DMD: variants seen among roughly 807,000 people sequenced by gnomAD.
The protein encoded by DMD is mutant dystrophin.
A neutral mutation model predicts 330.1 loss-of-function variants in DMD; 63 were observed. The ratio of observed to expected loss-of-function variants is 0.19; its 90% CI spans 0.16 to 0.24. DMD has a LOEUF of 0.24. Among genes scored for constraint, DMD ranks in the 10% least tolerant of loss-of-function variants. DMD has a pLI of 1.00. For synonymous variants in DMD, 1,223 were observed against 959.8 expected, an observed-to-expected ratio of 1.27 and a Z score of -5.07; for missense variants, 3,344 against 2,684.1, an observed-to-expected ratio of 1.25 and a Z score of -5.43.
intron 18 of DMD, among the ~76,000 whole-genome samples, chrX:32,509,112 G>A (rs1051805821): frequency 9.3e-6 from 1 of 107,614 alleles, no homozygotes; most frequent in Admixed American, 1.0e-4. Flanking sequence ...GCCTGGCCAC[G>A]GAAACATTTT....
Position 32,231,201 on chromosome X carries a change from A to C in DMD, c.6291-14138T>G, listed in dbSNP as rs1603628766. On this transcript the variant is annotated intron_variant, in intron 43 of 78. Transcript: ENST00000357033. ...GTACACTTAACACAGCTACAAAAAAATTTAACTTACTTTTTTCTGCTAAAG... is the reference window on the plus strand; with the variant it reads ...GTACACTTAACACAGCTACAAAAAACTTTAACTTACTTTTTTCTGCTAAAG... Among the ~76,000 whole-genome samples the C allele has an allele frequency of 3.6e-5, 4 of 112,608 alleles. No individual in the cohort carries two copies. The South Asian group carries it at 1.4e-3, about 41-fold the overall frequency.
At chrX:32,833,037 A>G (rs1384568779) in intron 4 of DMD, among the ~76,000 whole-genome samples, 1 of 111,919 alleles carries the variant, frequency 8.9e-6, no homozygotes, top group African/African-American at 3.2e-5. Context: ...ACCTTCAATG[A>G]TTAAGTTTTA....
chrX:32,660,275 G>A (rs750371020), intron 9 of DMD, among the ~76,000 whole-genome samples: 11 of 110,826 alleles, frequency 9.9e-5, no homozygotes, highest in Non-Finnish European at 1.9e-4. Context: ...TGGGCTAAGT[G>A]ATAAGAGCAA....
chrX:32,560,603 C>A lies in DMD; in HGVS notation c.1992+5099G>T, dbSNP rs1471450016. Among the ~76,000 whole-genome samples the A allele has an allele frequency of 4.5e-5, 5 of 110,854 alleles. No homozygotes were observed. The East Asian group carries it at 1.4e-3, about 31-fold the overall frequency. ...TCCTGATGCTCTCCTCCTCTCCCAG[C>A]AACAGGCCCCAGTGTGTGTTGTTCT... is the stretch of plus-strand genomic sequence containing the variant. On this transcript the variant is annotated intron_variant, in intron 16 of 78. Transcript: ENST00000357033.
intron 17 of DMD, among the ~76,000 whole-genome samples, chrX:32,543,367 AG>A (rs1224089695): frequency 1.8e-5 from 2 of 110,588 alleles, no homozygotes; most frequent in Non-Finnish European, 3.8e-5. Flanking sequence ...TTCTCCAAAC[AG>A]GAGCCAATAA....
chrX:32,215,354 T>G (rs1344147828), intron 44 of DMD, among the ~76,000 whole-genome samples: 1 of 111,102 alleles, frequency 9.0e-6, no homozygotes, highest in Non-Finnish European at 1.9e-5. Context: ...CTTAACTGAC[T>G]TCAAGAACAA....
chrX:31,195,153 C>A (rs1054394499), intron 67 of DMD, among the ~76,000 whole-genome samples: 1 of 111,652 alleles, frequency 9.0e-6, no homozygotes. Context: ...GGTAGGAGGC[C>A]AGCAGTCACT....
chrX:32,655,163 T>G (rs2060470428), intron 9 of DMD, among the ~76,000 whole-genome samples: 1 of 111,922 alleles, frequency 8.9e-6, no homozygotes, highest in African/African-American at 3.3e-5. Context: ...TCTTAGTTAT[T>G]TCTTGCCTTC....
chrX:31,265,494 TG>T (rs1400244296), intron 62 of DMD, among the ~76,000 whole-genome samples: 2 of 111,324 alleles, frequency 1.8e-5, no homozygotes, highest in African/African-American at 6.5e-5. Context: ...CCTCGGTGGC[TG>T]TTCCAGCTGT....
intron 12 of DMD, among the ~76,000 whole-genome samples, chrX:32,600,295 T>A (rs767517886): frequency 9.0e-6 from 1 of 111,636 alleles, no homozygotes; most frequent in African/African-American, 3.3e-5. Flanking sequence ...CATGGAATTA[T>A]GTAAGGCTAG....
At chrX:31,463,581 A>C (rs899270423) in intron 59 of DMD, among the ~76,000 whole-genome samples, 4 of 112,152 alleles carry the variant, frequency 3.6e-5, no homozygotes, top group Admixed American at 2.8e-4. Context: ...TAGGAGAGTA[A>C]CAGAATTGTG....
chrX:32,534,443 T>C (rs751769804), intron 17 of DMD, among the ~76,000 whole-genome samples: 7 of 111,269 alleles, frequency 6.3e-5, no homozygotes. Context: ...TGTCTCACTC[T>C]CCTTGTCCCA....
At chrX:31,577,281 T>C (rs760376367) in intron 55 of DMD, among the ~76,000 whole-genome samples, 2 of 112,861 alleles carry the variant, frequency 1.8e-5, no homozygotes, top group Non-Finnish European at 1.9e-5. Flanking sequence ...ACTTGTTTTT[T>C]GTAAAGTATT....
rs191894514 is a variant in DMD at position 32,705,197 on chromosome X, A to G, written c.650-5904T>C. 5.4e-5 allele frequency among the ~76,000 whole-genome samples: 6 copies of G among 112,044 alleles called. No homozygotes were observed. The East Asian group carries it at 1.7e-3, about 31-fold the overall frequency. On this transcript the variant is annotated intron_variant, in intron 7 of 78. Coordinates refer to ENST00000357033, the MANE Select transcript of DMD (RefSeq NM_004006.3). ...ATGTTAAATTTTTTAACATTCTGCA[A>G]GATATGTTCTGCCTTAGCTAAATTA...
intron 60 of DMD, among the ~76,000 whole-genome samples, chrX:31,356,400 T>C: frequency 9.0e-6 from 1 of 110,947 alleles, no homozygotes; most frequent in Non-Finnish European, 1.9e-5. Flanking sequence ...CCCTTTATTA[T>C]GTTCTATACA....
At chrX:32,397,641 T>C (rs773791420) in intron 30 of DMD, among the ~76,000 whole-genome samples, 2 of 111,861 alleles carry the variant, frequency 1.8e-5, no homozygotes, top group Non-Finnish European at 3.8e-5. Flanking sequence ...CATTTTTCCA[T>C]TGAATATGGT....
intron 52 of DMD, among the ~76,000 whole-genome samples, chrX:31,689,210 T>C (rs1364847459): frequency 1.8e-5 from 2 of 111,755 alleles, no homozygotes; most frequent in Admixed American, 9.5e-5. Flanking sequence ...GATTGTATAT[T>C]TAGAAAACCC....
At chrX:32,070,230 T>C (rs1407194801) in intron 44 of DMD, among the ~76,000 whole-genome samples, 1 of 111,333 alleles carries the variant, frequency 9.0e-6, no homozygotes, top group African/African-American at 3.3e-5. Flanking sequence ...AGGTGAACCA[T>C]GCAGTTCATC....
intron 8 of DMD, 47 bp from the exon 9 acceptor site, chrX:32,698,045 C>T (rs765672366): frequency 7.0e-6 from 8 of 1,144,553 alleles, no homozygotes; most frequent in Non-Finnish European, 8.2e-6. Context: ...GGGGGAAAAA[C>T]CATAAGTAAC....
Sources: gnomAD v4.1 joint callset for allele counts (sites outside exome capture counted in the v4.1 genomes callset) on GRCh38, gnomAD v4.1.1 for gene constraint, MANE v1.5 for transcripts, NCBI Gene and HGNC (gene_info 2026-07-23, HGNC 2026-07-21) for gene names.